CPLANE1: variants seen among roughly 807,000 people sequenced by gnomAD.
CPLANE1 encodes the protein ciliogenesis and planar polarity effector complex subunit 1, also known as ciliogenesis and planar polarity effector 1.
CPLANE1 carries 263 observed loss-of-function variants against 362.5 expected under a neutral mutation model. The ratio of observed to expected loss-of-function variants is 0.73; its 90% confidence interval spans 0.66 to 0.80. The LOEUF is 0.80. CPLANE1 is among the 30% of genes least tolerant of loss of function. The pLI, the probability that CPLANE1 is intolerant of heterozygous loss-of-function variation, is 0.00. For missense variants in CPLANE1, 3,461 were observed against 3,793.4 expected, an observed-to-expected ratio of 0.91 and a Z score of 2.30; for synonymous variants, 1,212 against 1,302.6, an observed-to-expected ratio of 0.93 and a Z score of 1.50.
At chr5:37,156,593 A>C (rs1295581879) in intron 41 of CPLANE1, among the ~76,000 whole-genome samples, 1 of 152,166 alleles carries the variant, frequency 6.6e-6, no homozygotes, top group Non-Finnish European at 1.5e-5. Flanking sequence ...CAGCTCAGCA[A>C]GACTCTGTCT....
At chr5:37,157,932 CAAAAAAAAAAAAAAA>C in intron 39 of CPLANE1, 64 bp from the exon 40 acceptor site, 1 of 67,472 alleles carries the variant, frequency 1.5e-5, no homozygotes, top group Non-Finnish European at 2.4e-5. Flanking sequence ...GTCACTCCGC[CAAAAAAAAAAAAAAA>C]AAAAAAAAAA....
At chr5:37,161,323 G>C (rs1776802846) in intron 38 of CPLANE1, among the ~76,000 whole-genome samples, 1 of 152,020 alleles carries the variant, frequency 6.6e-6, no homozygotes, top group African/African-American at 2.4e-5. Flanking sequence ...GAAATAAAAA[G>C]GTGTCCTAGC....
downstream of CPLANE1, among the ~76,000 whole-genome samples, chr5:37,102,634 C>G (rs1291046903): frequency 6.6e-6 from 1 of 152,176 alleles, no homozygotes; most frequent in East Asian, 1.9e-4. Context: ...TTTCAAATAA[C>G]TTCTTGACAT....
chr5:37,198,555 C>G (rs1158966780), intron 20 of CPLANE1, 147 bp downstream of exon 20: 1 of 732,574 alleles, frequency 1.4e-6, no homozygotes, highest in East Asian at 2.8e-5. Context: ...CAGGAAGAAT[C>G]TGGTCTGTTT....
At chr5:37,117,263 T>C (rs2150020847) in intron 50 of CPLANE1, among the ~76,000 whole-genome samples, 1 of 151,402 alleles carries the variant, frequency 6.6e-6, no homozygotes, top group South Asian at 2.1e-4. Flanking sequence ...TGAGGGGTAA[T>C]AGGAAGATGA....
chr5:37,191,499 C>T (rs919584943), intron 21 of CPLANE1, among the ~76,000 whole-genome samples: 17 of 151,974 alleles, frequency 1.1e-4, no homozygotes, highest in Non-Finnish European at 2.2e-4. Context: ...GGTGAAACCC[C>T]GTCTCTACTA....
At chr5:37,143,196 C>T (rs1252812145) in intron 43 of CPLANE1, among the ~76,000 whole-genome samples, 1 of 152,126 alleles carries the variant, frequency 6.6e-6, no homozygotes, top group Non-Finnish European at 1.5e-5. Context: ...AAAGCAAATG[C>T]AAAACTACTC....
intron 15 of CPLANE1, among the ~76,000 whole-genome samples, chr5:37,220,297 G>C (rs1259392701): frequency 1.3e-5 from 2 of 151,546 alleles, no homozygotes; most frequent in Admixed American, 6.6e-5. Flanking sequence ...AACAGTGGCT[G>C]AAACAATCAA....
chr5:37,102,570 C>A (rs543753222), downstream of CPLANE1, among the ~76,000 whole-genome samples: 2 of 152,296 alleles, frequency 1.3e-5, no homozygotes, highest in South Asian at 2.1e-4. Context: ...CCCATTAACA[C>A]TGCTTTACCT....
chr5:37,115,198 C>A, intron 50 of CPLANE1, 149 bp from the exon 51 acceptor site: 1 of 609,606 alleles, frequency 1.6e-6, no homozygotes. Context: ...TAAATGGTGG[C>A]TGGTTTGAAC....
chr5:37,202,105 A>G (rs1789362372), intron 18 of CPLANE1, among the ~76,000 whole-genome samples: 1 of 152,162 alleles, frequency 6.6e-6, no homozygotes, highest in Non-Finnish European at 1.5e-5. Context: ...TGGGAAAAGA[A>G]TGTCAAGAAA....
Position 37,180,150 on chromosome 5 carries a change from T to C in CPLANE1, c.5604A>G (p.Ile1868Met), listed in dbSNP as rs774687609. The change falls in exon 28 of 53, where the codon ATA (isoleucine) becomes ATG (methionine). Residue 1868 changes from isoleucine to methionine, a missense_variant. This residue lies in a region of CPLANE1 where 3,380 missense variants were observed against 3,666.1 expected (regional missense o/e 0.92). Coordinates refer to ENST00000651892, the MANE Select transcript of CPLANE1 (RefSeq NM_001384732.1). ...RMPTEAKNPDIKEINDDIISI... is the reference protein window; with the variant it reads ...RMPTEAKNPDMKEINDDIISI... The stretch of plus-strand genomic sequence containing the variant: ...AAATAATATCATCATTGATTTCTTT[T>C]ATATCAGGATTTTTTGCTTCAGTTG... 1 of 1,534,452 alleles carries C rather than the reference T, an allele frequency of 6.5e-7. No homozygotes were observed. The highest frequency in any genetic ancestry group is 2.3e-5 in the East Asian group (1 of 42,798).
intron 15 of CPLANE1, among the ~76,000 whole-genome samples, chr5:37,217,606 CAAATAAAT>C (rs10655258): frequency 1.2e-3 from 183 of 147,954 alleles, no homozygotes; most frequent in Non-Finnish European, 1.9e-3. Flanking sequence ...GACACCATCT[CAAATAAAT>C]AAATAAATAA....
chr5:37,245,588 C>A lies in CPLANE1; in HGVS notation c.228G>T (p.Leu76=). The A allele has an allele frequency of 2.0e-6, 3 of 1,514,990 alleles. No individual in the cohort carries two copies. Among genetic ancestry groups the A allele is most frequent in the Non-Finnish European group, 2.7e-6 (3 of 1,132,046 alleles). 93.8% of individuals were successfully genotyped at this position (1,514,990 alleles called of 1,614,324 possible). A position where few individuals can be genotyped will look rare whatever the true frequency, so the allele number is the denominator to read the frequency against. The change falls in exon 4 of 53, where the codon CTG becomes CTT. Residue 76 remains leucine, a synonymous_variant. Transcript: ENST00000651892. ...GCTCTCCTGTAGTTAGTACCCCAGC[C>A]AGCCAGGCATCTGTTTCCAAAAATG... ...VLTTSSNDAW[L]AGVLTTGELF... is the part of the protein sequence containing the mutation.
In CPLANE1 at chr5:37,179,295, C is replaced by T. The variant is rs1034392885; in HGVS notation, c.5820+66G>A. 3.0e-6 allele frequency: 3 copies of T among 1,010,378 alleles called. No homozygotes were observed. In the South Asian group the frequency reaches 4.4e-5, roughly 15 times the overall value. 62.6% of individuals were successfully genotyped at this position (1,010,378 alleles called of 1,614,324 possible). On this transcript the variant is annotated intron_variant, in intron 29 of 52. Coordinates refer to ENST00000651892, the MANE Select transcript of CPLANE1 (RefSeq NM_001384732.1). ...TATATTTAATAACAATGAATAAAAA[C>T]ATGTATAATTTAAACACTATACAAA...
In CPLANE1 at chr5:37,245,692, A is replaced by G. The variant is rs1434012364; in HGVS notation, c.217+18T>C. The G allele has an allele frequency of 1.4e-6, 2 of 1,475,430 alleles. No homozygotes were observed. The highest frequency in any genetic ancestry group is 1.8e-6 in the Non-Finnish European group (2 of 1,112,174). 91.4% of individuals were successfully genotyped at this position (1,475,430 alleles called of 1,614,324 possible). A position where few individuals can be genotyped will look rare whatever the true frequency, so the allele number is the denominator to read the frequency against. On this transcript the variant is annotated intron_variant, in intron 3 of 52. Coordinates refer to ENST00000651892, the MANE Select transcript of CPLANE1 (RefSeq NM_001384732.1). ...AAAATATAGTTTTAGCCATTTGAAA[A>G]TATCAGTACTACTTAACCATTACTG...
intron 8 of CPLANE1, among the ~76,000 whole-genome samples, chr5:37,236,925 T>A (rs760876286): frequency 6.6e-6 from 1 of 151,862 alleles, no homozygotes; most frequent in African/African-American, 2.4e-5. Flanking sequence ...TGTTGGCAAG[T>A]ATGCAGAGGA....
chr5:37,076,017 G>A, the CPLANE1 span, among the ~76,000 whole-genome samples: 65 of 152,280 alleles, frequency 4.3e-4, no homozygotes, highest in African/African-American at 1.5e-3. Context: ...GCTGAGATGG[G>A]AGGATTGCTT....
the CPLANE1 span, among the ~76,000 whole-genome samples, chr5:37,082,147 G>T: frequency 1.3e-5 from 2 of 151,398 alleles, no homozygotes; most frequent in Non-Finnish European, 2.9e-5. Context: ...AATAACAGAG[G>T]TAATGGCTGA....
Sources: gnomAD v4.1 joint callset for allele counts (sites outside exome capture counted in the v4.1 genomes callset) on GRCh38, gnomAD v4.1.1 for gene constraint, gnomAD v4.1.1 regional missense constraint, MANE v1.5 for transcripts, NCBI Gene and HGNC (gene_info 2026-07-23, HGNC 2026-07-21) for gene names.